Variants in KHDRBS2 observed in about 807,000 individuals in gnomAD.
KHDRBS2 encodes the protein KH RNA binding domain containing, signal transduction associated 2, also known as KH domain-containing, RNA-binding, signal transduction-associated protein 2.
Under a neutral mutation model 44.3 loss-of-function variants are expected in KHDRBS2, and 26 were observed. That is an observed-to-expected ratio of 0.59 (90% CI 0.43 to 0.81). The LOEUF is 0.81. KHDRBS2 is among the 40% of genes least tolerant of loss of function. The pLI, the probability that KHDRBS2 is intolerant of heterozygous loss-of-function variation, is 0.00. For missense variants in KHDRBS2, 476 were observed against 433.1 expected (o/e 1.10, Z -0.88); for synonymous variants, 194 against 151.1 (o/e 1.28, Z -2.08).
intron 7 of KHDRBS2, among the ~76,000 whole-genome samples, chr6:61,730,311 T>A (rs1048687581): frequency 1.3e-5 from 2 of 152,100 alleles, no homozygotes; most frequent in African/African-American, 4.8e-5. Flanking sequence ...GAGAAGCACA[T>A]AAATATTCTG....
intron 7 of KHDRBS2, among the ~76,000 whole-genome samples, chr6:61,731,013 T>C (rs1313254553): frequency 2.0e-5 from 3 of 152,198 alleles, no homozygotes; most frequent in African/African-American, 7.2e-5. Flanking sequence ...TAATTGTAGC[T>C]CTACAGAGCT....
At chr6:62,097,393 T>C (rs572006365) in intron 2 of KHDRBS2, among the ~76,000 whole-genome samples, 1 of 152,222 alleles carries the variant, frequency 6.6e-6, no homozygotes, top group African/African-American at 2.4e-5. Context: ...ATATTTGTTA[T>C]ATATACTTAG....
chr6:61,731,790 G>GA (rs957685564), intron 7 of KHDRBS2, among the ~76,000 whole-genome samples: 9 of 151,376 alleles, frequency 5.9e-5, no homozygotes, highest in African/African-American at 1.7e-4. Flanking sequence ...ACACTTTTAA[G>GA]AAAAAAAAGT....
At chr6:62,076,369 A>G (rs965659411) in intron 2 of KHDRBS2, among the ~76,000 whole-genome samples, 21 of 152,032 alleles carry the variant, frequency 1.4e-4, no homozygotes, top group African/African-American at 5.1e-4. Flanking sequence ...GCACATGATA[A>G]TAAGTGCTAA....
chr6:62,258,618 C>T (rs1837815918), intron 1 of KHDRBS2, among the ~76,000 whole-genome samples: 1 of 151,884 alleles, frequency 6.6e-6, no homozygotes, highest in Non-Finnish European at 1.5e-5. Flanking sequence ...ATTATTAAAA[C>T]ATATAAAATA....
intron 1 of KHDRBS2, among the ~76,000 whole-genome samples, chr6:62,281,329 TA>T (rs1165715665): frequency 3.3e-5 from 5 of 152,228 alleles, no homozygotes; most frequent in African/African-American, 1.2e-4. Flanking sequence ...GTTATACACA[TA>T]AAAATTATTG....
At chr6:62,158,369 C>A (rs895289517) in intron 2 of KHDRBS2, among the ~76,000 whole-genome samples, 7 of 152,094 alleles carry the variant, frequency 4.6e-5, no homozygotes, top group Non-Finnish European at 1.0e-4. Context: ...CCTGATGAAA[C>A]CTCATGGTAT....
chr6:61,831,831 A>C (rs2127262701), intron 6 of KHDRBS2, among the ~76,000 whole-genome samples: 1 of 152,348 alleles, frequency 6.6e-6, no homozygotes, highest in East Asian at 1.9e-4. Context: ...ATTATAGAAT[A>C]ATTTTCACAA....
the KHDRBS2 span, among the ~76,000 whole-genome samples, chr6:61,650,773 G>C: frequency 5.9e-5 from 9 of 151,952 alleles, no homozygotes; most frequent in Non-Finnish European, 1.0e-4. Flanking sequence ...AAATTTTGTA[G>C]ACCAAAGAAG....
chr6:61,795,144 CAA>C (rs1166333660), intron 6 of KHDRBS2, among the ~76,000 whole-genome samples: 1,025 of 59,702 alleles, frequency 0.017, 15 homozygotes, highest in African/African-American at 0.057. Context: ...GACTCCGTCT[CAA>C]AAAAAAAAAA....
At chr6:61,573,671 C>A in the KHDRBS2 span, among the ~76,000 whole-genome samples, 2 of 152,060 alleles carry the variant, frequency 1.3e-5, no homozygotes, top group Non-Finnish European at 2.9e-5. Flanking sequence ...TGCCTGCAAT[C>A]CCAGCTACTT....
chr6:61,754,964 C>A (rs1162741553), intron 6 of KHDRBS2, among the ~76,000 whole-genome samples: 2 of 151,826 alleles, frequency 1.3e-5, no homozygotes, highest in Non-Finnish European at 2.9e-5. Flanking sequence ...ATGTAAATAC[C>A]AAATTTATAA....
chr6:61,869,963 TG>T (rs1798386243), intron 6 of KHDRBS2, among the ~76,000 whole-genome samples: 1 of 95,350 alleles, frequency 1.0e-5, no homozygotes, highest in Non-Finnish European at 2.1e-5. Context: ...GCTGCAGGAG[TG>T]TTTTTTTTTT....
chr6:61,709,793 G>A (rs965328953), intron 7 of KHDRBS2, among the ~76,000 whole-genome samples: 3 of 151,646 alleles, frequency 2.0e-5, no homozygotes, highest in Admixed American at 2.0e-4. Flanking sequence ...CAAGTATATA[G>A]AAGCTATTGA....
chr6:61,745,640 A>C (rs532186917), intron 6 of KHDRBS2, among the ~76,000 whole-genome samples: 2 of 152,130 alleles, frequency 1.3e-5, no homozygotes, highest in Non-Finnish European at 1.5e-5. Flanking sequence ...AAGTTTTAGA[A>C]GCCAACTTGT....
chr6:61,750,211 A>G (rs542649176), intron 6 of KHDRBS2, among the ~76,000 whole-genome samples: 128 of 152,326 alleles, frequency 8.4e-4, no homozygotes, highest in African/African-American at 3.1e-3. Flanking sequence ...AAGAGACAAA[A>G]GGTCATTCTT....
chr6:62,065,939 TG>T lies in KHDRBS2; in HGVS notation c.220-17946del, dbSNP rs540400859. Among the ~76,000 whole-genome samples, 1,005 of 151,842 alleles carry T rather than the reference TG, an allele frequency of 6.6e-3. 5 individuals carry two copies. The highest frequency in any genetic ancestry group is 0.01 in the Non-Finnish European group (693 of 67,822). On this transcript the variant is annotated intron_variant, in intron 2 of 8. Transcript: ENST00000281156. ...ATAATTATTTACTATGCTTCTGCAT[TG>T]TTTTTTTGTGCTAATCATATTTTTC...
Position 62,046,538 on chromosome 6 carries a change from A to G in KHDRBS2, c.336+1340T>C, listed in dbSNP as rs535373113. On this transcript the variant is annotated intron_variant, in intron 3 of 8. Coordinates refer to ENST00000281156, the MANE Select transcript of KHDRBS2 (RefSeq NM_152688.4). ...TGAGACCGTAAAAACACACAATATG[A>G]AGTTTATAATATAACAGTATGAAGT... Among the ~76,000 whole-genome samples the G allele has an allele frequency of 9.4e-4, 143 of 152,070 alleles. 3 individuals are homozygous for G. In the South Asian group the frequency reaches 0.029, roughly 30 times the overall value.
At chr6:62,025,122 A>G (rs1312020638) in intron 3 of KHDRBS2, among the ~76,000 whole-genome samples, 3 of 151,752 alleles carry the variant, frequency 2.0e-5, no homozygotes, top group Non-Finnish European at 3.0e-5. Context: ...AAATTTGCCA[A>G]TATTCTCAAA....
Sources: allele counts gnomAD v4.1 joint callset (sites outside exome capture counted in the v4.1 genomes callset), GRCh38; gene constraint gnomAD v4.1.1; transcripts MANE v1.5; gene names NCBI Gene and HGNC (gene_info 2026-07-23, HGNC 2026-07-21).